KDM4C: variants seen among roughly 807,000 people sequenced by gnomAD.
KDM4C encodes lysine demethylase 4C, also known as lysine-specific demethylase 4C.
Under a neutral mutation model 129.3 loss-of-function variants are expected in KDM4C, and 81 were observed. The ratio of observed to expected loss-of-function variants is 0.63; its 90% confidence interval spans 0.52 to 0.75. KDM4C has a LOEUF of 0.75. KDM4C is among the 30% of genes least tolerant of loss of function. The probability of loss-of-function intolerance (pLI) is 0.00; values close to 1 mark genes in which losing one functional copy is unlikely to be tolerated. For missense variants in KDM4C, 1,457 were observed against 1,304.0 expected (o/e 1.12, Z -1.81); for synonymous variants, 573 against 456.1 (o/e 1.26, Z -3.26).
At chr9:6,749,910 A>AG (rs749677625) in intron 1 of KDM4C, among the ~76,000 whole-genome samples, 4 of 138,536 alleles carry the variant, frequency 2.9e-5, no homozygotes, top group South Asian at 2.4e-4. Context: ...CACTTGAACC[A>AG]GGGGGGCGGA....
intron 17 of KDM4C, among the ~76,000 whole-genome samples, chr9:7,052,357 C>T (rs1407558475): frequency 6.6e-6 from 1 of 152,142 alleles, no homozygotes; most frequent in African/African-American, 2.4e-5. Context: ...TGTGTATATG[C>T]ACATAGTAGT....
chr9:7,093,346 A>C (rs968343427), intron 17 of KDM4C, among the ~76,000 whole-genome samples: 3 of 152,214 alleles, frequency 2.0e-5, no homozygotes, highest in Non-Finnish European at 4.4e-5. Context: ...ATCAGGGTTT[A>C]TGCTCCATCT....
At position 6,984,208 on chromosome 9, in the gene KDM4C, TGAGGAA is replaced by T; in HGVS notation, c.1166_1171del (p.Glu389_Glu390del). On this transcript the variant is annotated inframe_deletion, in exon 10 of 22. Transcript: ENST00000381309. ...CTACCTCTAAAAGGCCTAAGGCTGA[TGAGGAA>T]GAGGAAGTGTCAGATGAAGTCGATG... 6.2e-7 allele frequency: 1 copy of T among 1,613,746 alleles called. No homozygotes were observed. The highest frequency in any genetic ancestry group is 8.5e-7 in the Non-Finnish European group (1 of 1,179,730).
intron 1 of KDM4C, among the ~76,000 whole-genome samples, chr9:6,767,648 A>G (rs1332548023): frequency 1.3e-5 from 2 of 151,864 alleles, no homozygotes; most frequent in South Asian, 2.1e-4. Flanking sequence ...TTTAGTAGAG[A>G]TGGGGTTTTG....
intron 8 of KDM4C, among the ~76,000 whole-genome samples, chr9:6,937,722 A>G (rs1328578382): frequency 6.6e-6 from 1 of 151,900 alleles, no homozygotes; most frequent in Non-Finnish European, 1.5e-5. Flanking sequence ...AATTTAATTT[A>G]ATTTTTTCAG....
chr9:7,169,746 A>C (rs1844766689), intron 20 of KDM4C, 52 bp from the exon 21 acceptor site: 1 of 1,415,906 alleles, frequency 7.1e-7, no homozygotes, highest in African/African-American at 1.4e-5. Context: ...GCCTTTAAAA[A>C]TGGTCAGTGC....
Position 6,838,726 on chromosome 9 carries a change from GT to G in KDM4C, c.436-10777del, listed in dbSNP as rs1836337591. ...GTATAAAAATGCAAAAGGGAAAATA[GT>G]TTTGTTTTAAAATAAAGATTTAAGG... On this transcript the variant is annotated intron_variant, in intron 4 of 21. Transcript: ENST00000381309. 1.3e-5 allele frequency among the ~76,000 whole-genome samples: 2 copies of G among 150,926 alleles called. 1 individual carries two copies. The highest frequency in any genetic ancestry group is 1.3e-4 in the Admixed American group (2 of 15,152).
At chr9:6,793,373 G>A (rs1827108834) in intron 2 of KDM4C, among the ~76,000 whole-genome samples, 1 of 151,620 alleles carries the variant, frequency 6.6e-6, no homozygotes, top group African/African-American at 2.4e-5. Flanking sequence ...AACCAACCAA[G>A]GGTGGCTGAT....
At chr9:6,899,542 G>GGTGTGT (rs61209400) in intron 8 of KDM4C, among the ~76,000 whole-genome samples, 230 of 150,158 alleles carry the variant, frequency 1.5e-3, no homozygotes, top group Middle Eastern at 0.014. Context: ...TTTCCATGGG[G>GGTGTGT]GTGTGTGTGT....
At chr9:7,135,921 G>T (rs973510061) in intron 19 of KDM4C, among the ~76,000 whole-genome samples, 1 of 152,208 alleles carries the variant, frequency 6.6e-6, no homozygotes, top group Non-Finnish European at 1.5e-5. Context: ...GATGTATTAT[G>T]CTGCTCCACA....
At chr9:6,756,712 G>A (rs537613480), upstream of KDM4C, among the ~76,000 whole-genome samples, 2 of 152,118 alleles carry the variant, frequency 1.3e-5, no homozygotes, top group Non-Finnish European at 2.9e-5. Context: ...GCAAGACTCC[G>A]TCTCAAAAAA....
intron 8 of KDM4C, among the ~76,000 whole-genome samples, chr9:6,912,852 T>C (rs1177073875): frequency 6.6e-6 from 1 of 152,184 alleles, no homozygotes; most frequent in Non-Finnish European, 1.5e-5. Flanking sequence ...TTAACTACTT[T>C]TGATAAAGAA....
At chr9:6,846,535 T>C (rs1837880828) in intron 4 of KDM4C, among the ~76,000 whole-genome samples, 1 of 150,018 alleles carries the variant, frequency 6.7e-6, no homozygotes, top group Non-Finnish European at 1.5e-5. Flanking sequence ...AGAAAGAATT[T>C]TGAAACAATA....
intron 8 of KDM4C, among the ~76,000 whole-genome samples, chr9:6,958,881 C>T (rs1211524841): frequency 2.0e-5 from 3 of 152,058 alleles, no homozygotes; most frequent in Non-Finnish European, 2.9e-5. Context: ...CTCCTGGGCT[C>T]AAGCGATCCA....
intron 17 of KDM4C, among the ~76,000 whole-genome samples, chr9:7,068,655 G>C (rs562245857): frequency 9.0e-6 from 1 of 111,114 alleles, no homozygotes; most frequent in Non-Finnish European, 2.0e-5. Flanking sequence ...CTTTTCTTCT[G>C]TCTATTTCAT....
intron 8 of KDM4C, among the ~76,000 whole-genome samples, chr9:6,970,828 C>G (rs1184831908): frequency 4.1e-5 from 6 of 148,070 alleles, no homozygotes; most frequent in Non-Finnish European, 8.9e-5. Context: ...GGTCTCACCC[C>G]CAGGGTACCT....
intron 5 of KDM4C, among the ~76,000 whole-genome samples, chr9:6,863,636 A>T (rs1366925732): frequency 2.6e-5 from 4 of 151,966 alleles, no homozygotes; most frequent in Non-Finnish European, 5.9e-5. Flanking sequence ...CTCTACTAAA[A>T]ATACAAAAAA....
intron 15 of KDM4C, among the ~76,000 whole-genome samples, chr9:7,028,796 C>T (rs536454097): frequency 9.0e-4 from 137 of 152,296 alleles, no homozygotes; most frequent in Non-Finnish European, 1.7e-3. Context: ...CCTCTGTGGG[C>T]AGGCGCCAGG....
chr9:7,115,342 T>C (rs759968444), intron 18 of KDM4C, among the ~76,000 whole-genome samples: 6 of 152,098 alleles, frequency 3.9e-5, no homozygotes, highest in Non-Finnish European at 8.8e-5. Flanking sequence ...AAAAAAATAA[T>C]TAAGGCACGC....
Sources: gnomAD v4.1 joint callset for allele counts (sites outside exome capture counted in the v4.1 genomes callset) on GRCh38, gnomAD v4.1.1 for gene constraint, MANE v1.5 for transcripts, NCBI Gene and HGNC (gene_info 2026-07-23, HGNC 2026-07-21) for gene names.